The following DNAJC15 variants were observed in gnomAD, a reference collection of about 807,000 sequenced individuals.
DNAJC15 encodes DnaJ heat shock protein family (Hsp40) member C15.
A neutral mutation model predicts 22.4 loss-of-function variants in DNAJC15; 27 were observed. That is an observed-to-expected ratio of 1.20 (90% CI 0.89 to 1.66). DNAJC15 has a LOEUF of 1.66. DNAJC15 is among the 40% of genes most tolerant of loss of function. The pLI is 0.00. For missense variants in DNAJC15, 208 were observed against 187.1 expected (o/e 1.11, Z -0.65); for synonymous variants, 79 against 63.2 (o/e 1.25, Z -1.19).
At chr13:43,085,044 A>G (rs1298364119) in intron 4 of DNAJC15, among the ~76,000 whole-genome samples, 2 of 152,152 alleles carry the variant, frequency 1.3e-5, no homozygotes, top group Non-Finnish European at 2.9e-5. Flanking sequence ...AGCTTACACA[A>G]TCTTAAGTGG....
At chr13:43,106,124 C>T (rs879218465) in intron 5 of DNAJC15, among the ~76,000 whole-genome samples, 3 of 151,998 alleles carry the variant, frequency 2.0e-5, no homozygotes, top group African/African-American at 4.8e-5. Flanking sequence ...AATAAAAGGC[C>T]AGAAAAAAGT....
chr13:43,056,110 A>T (rs1181154282), intron 1 of DNAJC15, among the ~76,000 whole-genome samples: 2 of 150,534 alleles, frequency 1.3e-5, no homozygotes, highest in Admixed American at 6.6e-5. Flanking sequence ...AGAGTACTTG[A>T]TATAATTTTG....
intron 5 of DNAJC15, among the ~76,000 whole-genome samples, chr13:43,094,975 G>A (rs1547135): frequency 0.56 from 84,898 of 152,034 alleles, 23,996 homozygotes; most frequent in African/African-American, 0.66. Flanking sequence ...AAGTTTCCCT[G>A]TAACACTAAT....
chr13:43,035,381 A>G (rs2040424514), intron 1 of DNAJC15, among the ~76,000 whole-genome samples: 1 of 152,222 alleles, frequency 6.6e-6, no homozygotes, highest in Non-Finnish European at 1.5e-5. Context: ...TAAATATTGC[A>G]TATTCATTCC....
intron 3 of DNAJC15, among the ~76,000 whole-genome samples, chr13:43,073,840 A>G (rs1406010819): frequency 6.6e-6 from 1 of 151,322 alleles, no homozygotes; most frequent in Non-Finnish European, 1.5e-5. Context: ...CTTTTGAACA[A>G]GTGCCCTTTT....
chr13:43,043,657 T>C (rs2040463996), intron 1 of DNAJC15, among the ~76,000 whole-genome samples: 2 of 152,212 alleles, frequency 1.3e-5, no homozygotes, highest in African/African-American at 4.8e-5. Flanking sequence ...GAGTTTTGTT[T>C]CCTAACATGT....
chr13:43,034,406 C>T (rs1196624690), intron 1 of DNAJC15, among the ~76,000 whole-genome samples: 4 of 148,942 alleles, frequency 2.7e-5, no homozygotes, highest in African/African-American at 7.5e-5. Flanking sequence ...AGCTCTGCCT[C>T]CCGGGTTCAC....
At chr13:43,099,683 A>AT (rs1029986809) in intron 5 of DNAJC15, among the ~76,000 whole-genome samples, 1 of 151,836 alleles carries the variant, frequency 6.6e-6, no homozygotes, top group Admixed American at 6.6e-5. Context: ...CGATATATTT[A>AT]TTTTTTGGTG....
At chr13:43,064,219 C>T (rs2040572511) in intron 1 of DNAJC15, among the ~76,000 whole-genome samples, 1 of 152,214 alleles carries the variant, frequency 6.6e-6, no homozygotes, top group South Asian at 2.1e-4. Flanking sequence ...CTCTAGATTT[C>T]TCAGAGTTTT....
At chr13:43,056,528 C>G (rs982419239) in intron 1 of DNAJC15, among the ~76,000 whole-genome samples, 1 of 152,158 alleles carries the variant, frequency 6.6e-6, no homozygotes, top group African/African-American at 2.4e-5. Flanking sequence ...CTATAAATAT[C>G]TGTTAATTCC....
In DNAJC15 at chr13:43,040,642, G is replaced by A. The variant is rs551602853; in HGVS notation, c.108+16908G>A. On this transcript the variant is annotated intron_variant, in intron 1 of 5. Coordinates refer to ENST00000379221, the MANE Select transcript of DNAJC15 (RefSeq NM_013238.3). ...AGACACAGAGACAAAGTATAGAGAAGGAAAAAAGGGGGCCCAGGGGACCAG... is the reference window on the plus strand; with the variant it reads ...AGACACAGAGACAAAGTATAGAGAAAGAAAAAAGGGGGCCCAGGGGACCAG... Among the ~76,000 whole-genome samples, 273 of 152,170 alleles carry A rather than the reference G, an allele frequency of 1.8e-3. 1 individual carries two copies. The highest frequency in any genetic ancestry group is 5.4e-3 in the African/African-American group (223 of 41,516).
intron 1 of DNAJC15, among the ~76,000 whole-genome samples, 169 bp downstream of exon 1, chr13:43,023,903 G>T (rs2281781): frequency 0.053 from 8,025 of 152,308 alleles, 590 homozygotes; most frequent in African/African-American, 0.17. Context: ...GGGCTTTGAC[G>T]CCTGGGCGTG....
At chr13:43,024,511 T>G (rs1286512754) in intron 1 of DNAJC15, among the ~76,000 whole-genome samples, 1 of 151,768 alleles carries the variant, frequency 6.6e-6, no homozygotes, top group Non-Finnish European at 1.5e-5. Context: ...TCCCGGCTAA[T>G]TTTTTGTATT....
At chr13:43,077,687 C>G (rs2040640120) in intron 3 of DNAJC15, among the ~76,000 whole-genome samples, 2 of 152,230 alleles carry the variant, frequency 1.3e-5, no homozygotes, top group South Asian at 4.1e-4. Flanking sequence ...CAGCCAGCCA[C>G]AGCCCCAGTG....
chr13:43,098,190 G>A (rs2040750544), intron 5 of DNAJC15, among the ~76,000 whole-genome samples: 1 of 152,142 alleles, frequency 6.6e-6, no homozygotes, highest in African/African-American at 2.4e-5. Flanking sequence ...TCACTGAGAA[G>A]AAACTCTAAG....
intron 1 of DNAJC15, among the ~76,000 whole-genome samples, chr13:43,053,621 C>T (rs926244004): frequency 6.6e-6 from 1 of 151,950 alleles, no homozygotes; most frequent in African/African-American, 2.4e-5. Context: ...GGTTTTTTAC[C>T]TCCATGGTTA....
intron 4 of DNAJC15, among the ~76,000 whole-genome samples, chr13:43,079,447 T>C (rs1190899850): frequency 6.6e-6 from 1 of 152,124 alleles, no homozygotes; most frequent in Non-Finnish European, 1.5e-5. Flanking sequence ...TCTTATGACC[T>C]AGCAGAAAAA....
At chr13:43,085,699 A>G in intron 4 of DNAJC15, 69 bp from the exon 5 acceptor site, 1 of 1,375,882 alleles carries the variant, frequency 7.3e-7, no homozygotes. Context: ...TTTGAAACCC[A>G]TATAAACCCT....
In DNAJC15 at chr13:43,111,026, TAAAA is replaced by T. The variant is rs1291536129; in HGVS notation, c.*3779_*3782del. ...AGGGCCTAGGAAGGCCTTTTAAAAATAAAACAATTCCGATTGCAGAGAAAGTGTA... is the reference window on the plus strand; with the variant it reads ...AGGGCCTAGGAAGGCCTTTTAAAAATCAATTCCGATTGCAGAGAAAGTGTA... On this transcript the variant is annotated 3_prime_UTR_variant, in exon 6 of 6. Coordinates refer to ENST00000379221, the MANE Select transcript of DNAJC15 (RefSeq NM_013238.3). 4 of 152,236 alleles carry T rather than the reference TAAAA, an allele frequency of 2.6e-5. No individual in the cohort carries two copies. The highest frequency in any genetic ancestry group is 9.6e-5 in the African/African-American group (4 of 41,464). 9.4% of individuals were successfully genotyped at this position (152,236 alleles called of 1,614,324 possible).
Sources: allele counts gnomAD v4.1 joint callset (sites outside exome capture counted in the v4.1 genomes callset), GRCh38; gene constraint gnomAD v4.1.1; transcripts MANE v1.5; gene names NCBI Gene and HGNC (gene_info 2026-07-23, HGNC 2026-07-21).